IL1RAP: variants seen among roughly 807,000 people sequenced by gnomAD.
IL1RAP encodes the protein interleukin-1 receptor accessory protein.
A neutral mutation model predicts 60.7 loss-of-function variants in IL1RAP; 35 were observed. The observed-to-expected ratio is 0.58, with a 90% CI of 0.44 to 0.76. The LOEUF is 0.76. Among genes scored for constraint, IL1RAP ranks in the 30% least tolerant of loss-of-function variants. IL1RAP has a pLI of 0.00. For missense variants in IL1RAP, 572 were observed against 693.9 expected (o/e 0.82, Z 1.97); for synonymous variants, 268 against 250.9 (o/e 1.07, Z -0.64).
At chr3:190,655,800 T>A (rs1734599423), downstream of IL1RAP, 3 of 964,734 alleles carry the variant, frequency 3.1e-6, no homozygotes, top group Non-Finnish European at 4.6e-6. Context: ...TGTTTGTTCA[T>A]TCCCTGTCCT....
At chr3:190,566,904 C>G (rs1726459079) in intron 3 of IL1RAP, among the ~76,000 whole-genome samples, 1 of 152,196 alleles carries the variant, frequency 6.6e-6, no homozygotes, top group Admixed American at 6.5e-5. Context: ...GTTGGTCTTT[C>G]ATGAGGCTCT....
At chr3:190,624,056 T>G (rs1732018404) in intron 7 of IL1RAP, among the ~76,000 whole-genome samples, 1 of 152,114 alleles carries the variant, frequency 6.6e-6, no homozygotes, top group African/African-American at 2.4e-5. Context: ...ATACATCCAG[T>G]CCAAACCCAG....
intron 1 of IL1RAP, among the ~76,000 whole-genome samples, chr3:190,546,885 G>A (rs769569069): frequency 5.9e-5 from 9 of 152,198 alleles, no homozygotes; most frequent in Non-Finnish European, 8.8e-5. Flanking sequence ...CCAGTTACAC[G>A]AAATAGCTTT....
intron 1 of IL1RAP, among the ~76,000 whole-genome samples, chr3:190,517,320 C>T (rs11917838): frequency 6.6e-6 from 1 of 152,184 alleles, no homozygotes; most frequent in African/African-American, 2.4e-5. Context: ...CATCCTCATG[C>T]TAGTTCAAAG....
chr3:190,610,055 T>C (rs1730686750), intron 5 of IL1RAP, among the ~76,000 whole-genome samples: 1 of 152,138 alleles, frequency 6.6e-6, no homozygotes, highest in African/African-American at 2.4e-5. Flanking sequence ...GGAAAAGTTG[T>C]AGTTCCTCAC....
chr3:190,622,462 A>G (rs969384476), intron 6 of IL1RAP, among the ~76,000 whole-genome samples: 5 of 152,098 alleles, frequency 3.3e-5, no homozygotes, highest in Admixed American at 1.3e-4. Flanking sequence ...TTCCTAAAAG[A>G]CTGCCCCACC....
At chr3:190,598,997 T>C (rs1729621374) in intron 3 of IL1RAP, among the ~76,000 whole-genome samples, 1 of 152,242 alleles carries the variant, frequency 6.6e-6, no homozygotes, top group South Asian at 2.1e-4. Flanking sequence ...ACCATTTTTA[T>C]AGCTTTCAAT....
chr3:190,585,540 G>T, intron 3 of IL1RAP, among the ~76,000 whole-genome samples: 1 of 152,174 alleles, frequency 6.6e-6, no homozygotes, highest in East Asian at 1.9e-4. Flanking sequence ...GGCTGGGCAT[G>T]GTGGCTCACG....
chr3:190,611,137 G>C (rs1730787703), intron 5 of IL1RAP, among the ~76,000 whole-genome samples: 1 of 152,096 alleles, frequency 6.6e-6, no homozygotes, highest in African/African-American at 2.4e-5. Flanking sequence ...GATCCAATTA[G>C]AATTATCATC....
rs527900315 is a variant in IL1RAP, at chr3:190,534,417, T to G, written c.-89+20198T>G. ...ATTTTAAGTCAGGTCAGTCCAGCTCTTCCCAGGAAATAAAGATGTTAAGAA... is the reference window on the plus strand; with the variant it reads ...ATTTTAAGTCAGGTCAGTCCAGCTCGTCCCAGGAAATAAAGATGTTAAGAA... On this transcript the variant is annotated intron_variant, in intron 1 of 11. Transcript: ENST00000447382. Among the ~76,000 whole-genome samples, 4 of 152,318 alleles carry G rather than the reference T, an allele frequency of 2.6e-5. No individual in the cohort carries two copies. In the South Asian group the frequency reaches 8.3e-4, roughly 32 times the overall value.
At chr3:190,553,173 G>A (rs987794402) in intron 1 of IL1RAP, among the ~76,000 whole-genome samples, 1 of 152,140 alleles carries the variant, frequency 6.6e-6, no homozygotes, top group African/African-American at 2.4e-5. Flanking sequence ...CGCCCCCGAG[G>A]ACGTACAACA....
chr3:190,527,575 T>C (rs1253790175), intron 1 of IL1RAP, among the ~76,000 whole-genome samples: 4 of 152,132 alleles, frequency 2.6e-5, no homozygotes, highest in Non-Finnish European at 4.4e-5. Context: ...TTCATTCCAG[T>C]TGACAGTTTA....
chr3:190,609,222 T>A (rs1730618206), intron 5 of IL1RAP, 41 bp downstream of exon 5: 1 of 1,340,992 alleles, frequency 7.5e-7, no homozygotes, highest in Non-Finnish European at 1.0e-6. Context: ...TCTAATGGCT[T>A]ATAAAATGAT....
chr3:190,615,269 A>G, intron 5 of IL1RAP: 1 of 1,232,830 alleles, frequency 8.1e-7, no homozygotes, highest in Non-Finnish European at 1.1e-6. Context: ...TATAAAACAA[A>G]TTCTGAAATA....
intron 2 of IL1RAP, among the ~76,000 whole-genome samples, chr3:190,556,986 C>G (rs1725484795): frequency 6.6e-6 from 1 of 152,128 alleles, no homozygotes; most frequent in South Asian, 2.1e-4. Context: ...CCTCAGTGTC[C>G]CTAAGTAGAG....
rs115782791 is a variant in IL1RAP at position 190,579,911 on chromosome 3, C to T, written c.64+15558C>T. Among the ~76,000 whole-genome samples, 560 of 152,290 alleles carry T rather than the reference C, an allele frequency of 3.7e-3. 9 individuals are homozygous for T. Among genetic ancestry groups the T allele is most frequent in the African/African-American group, 0.013 (540 of 41,552 alleles). The stretch of plus-strand genomic sequence containing the variant: ...TACAGCTATGATATAGCATGTATCA[C>T]TACATCATTTTTTAGTGATGAATAA... On this transcript the variant is annotated intron_variant, in intron 3 of 11. Coordinates refer to ENST00000447382, the MANE Select transcript of IL1RAP (RefSeq NM_002182.4).
chr3:190,530,223 A>G (rs1722873947), intron 1 of IL1RAP, among the ~76,000 whole-genome samples: 1 of 152,182 alleles, frequency 6.6e-6, no homozygotes, highest in South Asian at 2.1e-4. Context: ...ATTGAATGCA[A>G]GGAGGCACTA....
chr3:190,559,383 T>C (rs1269769613), intron 2 of IL1RAP, among the ~76,000 whole-genome samples: 1 of 152,146 alleles, frequency 6.6e-6, no homozygotes, highest in Non-Finnish European at 1.5e-5. Context: ...GTTTTGAAAT[T>C]ATTTGATTTC....
chr3:190,546,431 A>T (rs1486890858), intron 1 of IL1RAP, among the ~76,000 whole-genome samples: 1 of 152,202 alleles, frequency 6.6e-6, no homozygotes, highest in African/African-American at 2.4e-5. Context: ...CCACATTAAA[A>T]TGCAAGTAAT....
Sources: gnomAD v4.1 joint callset for allele counts (sites outside exome capture counted in the v4.1 genomes callset) on GRCh38, gnomAD v4.1.1 for gene constraint, MANE v1.5 for transcripts, NCBI Gene and HGNC (gene_info 2026-07-23, HGNC 2026-07-21) for gene names.